Variants in ESR1 observed in about 807,000 individuals in gnomAD.
ESR1 encodes estrogen receptor.
Under a neutral mutation model 52.7 loss-of-function variants are expected in ESR1, and 12 were observed. That is an observed-to-expected ratio of 0.23 (90% CI 0.15 to 0.37). The LOEUF is 0.37. ESR1 is among the 10% of genes least tolerant of loss of function. The pLI is 1.00. For missense variants in ESR1, 584 were observed against 779.7 expected (o/e 0.75, Z 2.99); for synonymous variants, 305 against 316.8 (o/e 0.96, Z 0.39).
At chr6:152,012,042 A>ACT (rs2042813407) in intron 5 of ESR1, among the ~76,000 whole-genome samples, 3 of 148,448 alleles carry the variant, frequency 2.0e-5, no homozygotes, top group African/African-American at 7.5e-5. Flanking sequence ...ACACACACAC[A>ACT]CACACTCACA....
At chr6:151,910,845 TC>T (rs1013009869) in intron 3 of ESR1, among the ~76,000 whole-genome samples, 8 of 152,146 alleles carry the variant, frequency 5.3e-5, no homozygotes, top group Non-Finnish European at 8.8e-5. Flanking sequence ...AATGCAGCGG[TC>T]CCCAAACTTT....
At position 151,718,454 on chromosome 6, in the gene ESR1, T is replaced by C. The variant is rs1781215193; in HGVS notation, c.-71+16449T>C. On this transcript the variant is annotated intron_variant, in intron 2 of 2. Coordinates refer to the ESR1 transcript ENST00000404742. Reference sequence around the variant, plus strand: ...TTTTTGGTGACCAAGGAGTTGGGCTTCTCATTTTAAAACCATGCATGAGAT... The same window carrying C: ...TTTTTGGTGACCAAGGAGTTGGGCTCCTCATTTTAAAACCATGCATGAGAT... 2.0e-5 allele frequency among the ~76,000 whole-genome samples: 3 copies of C among 152,222 alleles called. No individual in the cohort carries two copies. The South Asian group carries it at 6.2e-4, about 32-fold the overall frequency.
At chr6:151,954,076 AGCACGCGCCT>A (rs1273729577) in intron 4 of ESR1, among the ~76,000 whole-genome samples, 1 of 152,150 alleles carries the variant, frequency 6.6e-6, no homozygotes, top group African/African-American at 2.4e-5. Context: ...CCCTGTCTCA[AGCACGCGCCT>A]GTACATTGAA....
In ESR1 at chr6:152,067,952, C is replaced by T. The variant is rs1009360557; in HGVS notation, c.1369+6828C>T. On this transcript the variant is annotated intron_variant, in intron 6 of 7. Transcript: ENST00000206249. The stretch of plus-strand genomic sequence containing the variant: ...TGTAGCTTCTACTTAAATTGGCAAC[C>T]GCACCAAATATAAACTGCAAATGTT... Among the ~76,000 whole-genome samples, 8 of 152,160 alleles carry T rather than the reference C, an allele frequency of 5.3e-5. No homozygotes were observed. In the South Asian group the frequency reaches 1.0e-3, roughly 20 times the overall value.
intron 6 of ESR1, among the ~76,000 whole-genome samples, chr6:152,080,435 T>C (rs987146865): frequency 2.0e-5 from 3 of 152,108 alleles, no homozygotes; most frequent in Non-Finnish European, 2.9e-5. Flanking sequence ...ATAAAATCCT[T>C]TACAGACAAG....
At chr6:151,661,214 GT>G in intron 1 of ESR1, among the ~76,000 whole-genome samples, 1 of 152,326 alleles carries the variant, frequency 6.6e-6, no homozygotes, top group South Asian at 2.1e-4. Flanking sequence ...CCAGAACTTT[GT>G]TGGATTTCCT....
Position 152,100,958 on chromosome 6 carries a change from G to C in ESR1, c.*1992G>C, listed in dbSNP as rs1454472768. On this transcript the variant is annotated 3_prime_UTR_variant, in exon 8 of 8. Transcript: ENST00000206249. ...TTGAAATTACATTGCTTGTTTATCA[G>C]ACAATTGAATGTAGTAATTCTGTTC... 1 of 228,190 alleles carries C rather than the reference G, an allele frequency of 4.4e-6. No individual in the cohort carries two copies. Among genetic ancestry groups the C allele is most frequent in the East Asian group, 6.3e-5 (1 of 15,850 alleles). The allele number at this position is 228,190 out of a possible 1,614,324, so 14.1% of individuals were successfully genotyped here.
At chr6:151,888,182 T>G (rs1046305895) in intron 3 of ESR1, among the ~76,000 whole-genome samples, 2 of 152,182 alleles carry the variant, frequency 1.3e-5, no homozygotes, top group African/African-American at 4.8e-5. Flanking sequence ...ATTTTTGGAT[T>G]GTTTTTCCAC....
chr6:152,084,285 T>TGG (rs2049499901), intron 6 of ESR1, among the ~76,000 whole-genome samples: 1 of 79,836 alleles, frequency 1.3e-5, no homozygotes, highest in Admixed American at 1.4e-4. Context: ...GTTGGGGGGC[T>TGG]GGGGGAGGGA....
chr6:151,887,695 G>A (rs1207823211), intron 3 of ESR1, among the ~76,000 whole-genome samples: 1 of 152,138 alleles, frequency 6.6e-6, no homozygotes, highest in African/African-American at 2.4e-5. Flanking sequence ...TAGGGATGAA[G>A]GCAGGTCAGC....
At chr6:152,114,115 G>C (rs190944736) in intron 6 of ESR1, among the ~76,000 whole-genome samples, 8 of 152,290 alleles carry the variant, frequency 5.3e-5, no homozygotes, top group Non-Finnish European at 7.4e-5. Context: ...GCTTGGGTGG[G>C]CAGAATCCTG....
At chr6:151,689,579 A>T (rs1382484391), upstream of ESR1, among the ~76,000 whole-genome samples, 2 of 152,174 alleles carry the variant, frequency 1.3e-5, no homozygotes, top group Non-Finnish European at 2.9e-5. Context: ...TAAAGTGTTG[A>T]TTATTTATTT....
At chr6:151,923,742 G>A (rs551445498) in intron 3 of ESR1, among the ~76,000 whole-genome samples, 12 of 152,158 alleles carry the variant, frequency 7.9e-5, no homozygotes, top group African/African-American at 2.6e-4. Context: ...TAAATTCATG[G>A]CAATTATGAA....
At chr6:151,765,087 C>T (rs1784946201) in intron 2 of ESR1, among the ~76,000 whole-genome samples, 1 of 152,076 alleles carries the variant, frequency 6.6e-6, no homozygotes, top group South Asian at 2.1e-4. Flanking sequence ...CATAATATAG[C>T]TAAATATCAA....
intron 6 of ESR1, among the ~76,000 whole-genome samples, chr6:152,118,659 T>G (rs917941035): frequency 6.6e-6 from 1 of 152,012 alleles, no homozygotes; most frequent in South Asian, 2.1e-4. Flanking sequence ...AAATACCTAA[T>G]GCATGCAGGG....
intron 1 of ESR1, among the ~76,000 whole-genome samples, chr6:151,671,613 G>C (rs1396975083): frequency 6.6e-6 from 1 of 152,180 alleles, no homozygotes; most frequent in East Asian, 1.9e-4. Context: ...GAGACCTATT[G>C]TGCAGCATGG....
chr6:151,987,236 G>C (rs2040574211), intron 4 of ESR1, among the ~76,000 whole-genome samples: 1 of 151,934 alleles, frequency 6.6e-6, no homozygotes. Context: ...CTCTCTTTCA[G>C]GAATTCACCA....
intron 1 of ESR1, among the ~76,000 whole-genome samples, chr6:151,668,386 C>A (rs986614550): frequency 2.6e-5 from 4 of 152,098 alleles, no homozygotes; most frequent in African/African-American, 9.7e-5. Context: ...TCATGCCATT[C>A]TCCTGCCTCA....
At chr6:151,987,282 AGAGTCTT>A (rs2040581726) in intron 4 of ESR1, among the ~76,000 whole-genome samples, 2 of 151,990 alleles carry the variant, frequency 1.3e-5, no homozygotes, top group Non-Finnish European at 2.9e-5. Flanking sequence ...GTTTTGAGAC[AGAGTCTT>A]GCTCTGTTGC....
Sources: gnomAD v4.1 joint callset for allele counts (sites outside exome capture counted in the v4.1 genomes callset) on GRCh38, gnomAD v4.1.1 for gene constraint, MANE v1.5 for transcripts, NCBI Gene and HGNC (gene_info 2026-07-23, HGNC 2026-07-21) for gene names.